The following IFT74 variants were observed in gnomAD, a reference collection of about 807,000 sequenced individuals.
The protein encoded by IFT74 is intraflagellar transport protein 74 homolog.
In IFT74, 92 loss-of-function variants were observed where a neutral mutation model predicts 96.7. The observed-to-expected ratio is 0.95, with a 90% CI of 0.80 to 1.13. The LOEUF (loss-of-function observed/expected upper bound fraction) is 1.13, where lower values mean the gene tolerates loss of function less well. IFT74 is among the 50% of genes most tolerant of loss of function. IFT74 has a pLI of 0.00. For synonymous variants in IFT74, 223 were observed against 213.2 expected (o/e 1.05, Z -0.40); for missense variants, 811 against 698.2 (o/e 1.16, Z -1.82).
chr9:26,997,580 T>G (rs1345048325), intron 8 of IFT74: 41 of 785,774 alleles, frequency 5.2e-5, no homozygotes, highest in Non-Finnish European at 7.7e-5. Flanking sequence ...GTGATCCCCC[T>G]GCCTTGGCCT....
At chr9:27,019,926 C>A (rs1829517328) in intron 12 of IFT74, among the ~76,000 whole-genome samples, 1 of 151,836 alleles carries the variant, frequency 6.6e-6, no homozygotes, top group Non-Finnish European at 1.5e-5. Flanking sequence ...ATTTGTAAAA[C>A]AATCATTTTA....
chr9:26,955,447 C>CTCA (rs1159848463), upstream of IFT74, among the ~76,000 whole-genome samples: 2 of 152,146 alleles, frequency 1.3e-5, no homozygotes, highest in Non-Finnish European at 2.9e-5. Flanking sequence ...AGCAATAATA[C>CTCA]TCATGTCCCA....
rs560847276 is a variant in IFT74 at position 26,987,471 on chromosome 9, A to G, written c.466-1198A>G. Among the ~76,000 whole-genome samples, 355 of 152,342 alleles carry G rather than the reference A, an allele frequency of 2.3e-3. 3 individuals are homozygous for G. Among genetic ancestry groups the G allele is most frequent in the African/African-American group, 8.2e-3 (343 of 41,582 alleles). On this transcript the variant is annotated intron_variant, in intron 6 of 19. Coordinates refer to ENST00000380062, the MANE Select transcript of IFT74 (RefSeq NM_025103.4). The stretch of plus-strand genomic sequence containing the variant: ...ATGCTGGAACAAATTAGGCATATTC[A>G]TATAAAAATACTACCATATAAAATA...
Position 27,057,585 on chromosome 9 carries a change from C to T in IFT74, c.1623+1126C>T, listed in dbSNP as rs185128648. On this transcript the variant is annotated intron_variant, in intron 18 of 19. Coordinates refer to ENST00000380062, the MANE Select transcript of IFT74 (RefSeq NM_025103.4). ...AAAAATTCCCTCTTTTGGCCAGGCA[C>T]GGTGGTTCACGCCTGTAATCCCAGC... 1.3e-3 allele frequency among the ~76,000 whole-genome samples: 200 copies of T among 152,200 alleles called. 2 individuals are homozygous for T. The highest frequency in any genetic ancestry group is 2.0e-3 in the Non-Finnish European group (135 of 68,002).
chr9:27,029,152 T>C, intron 13 of IFT74, 48 bp downstream of exon 13: 1 of 1,442,504 alleles, frequency 6.9e-7, no homozygotes, highest in Non-Finnish European at 9.6e-7. Context: ...TGTTTAGCAG[T>C]ATTAATATAG....
rs537178292 is a variant in IFT74 at position 27,022,855 on chromosome 9, A to G, written c.974+4168A>G. ...ACGGGGTTTCACTGTGTTAGCCAGG[A>G]TGGTCTTGACCTGACCTTGTGATCT... On this transcript the variant is annotated intron_variant, in intron 12 of 19. Coordinates refer to ENST00000380062, the MANE Select transcript of IFT74 (RefSeq NM_025103.4). 2.0e-5 allele frequency among the ~76,000 whole-genome samples: 3 copies of G among 152,054 alleles called. No individual in the cohort carries two copies. In the South Asian group the frequency reaches 6.2e-4, roughly 32 times the overall value.
chr9:26,976,088 C>T lies in IFT74; in HGVS notation c.121-2040C>T, dbSNP rs7865986. ...TGTGCACAGAGTTACTTGGTCGCCGCGGTGTTGTAAGCCTCTCCTTTCCCC... is the reference window on the plus strand; with the variant it reads ...TGTGCACAGAGTTACTTGGTCGCCGTGGTGTTGTAAGCCTCTCCTTTCCCC... On this transcript the variant is annotated intron_variant, in intron 2 of 19. Coordinates refer to ENST00000380062, the MANE Select transcript of IFT74 (RefSeq NM_025103.4). Among the ~76,000 whole-genome samples the T allele has an allele frequency of 9.5e-3, 1,443 of 152,258 alleles. 17 individuals are homozygous for T. The highest frequency in any genetic ancestry group is 0.032 in the African/African-American group (1,347 of 41,542).
Position 27,055,624 on chromosome 9 carries a change from A to G in IFT74, c.1349A>G (p.Gln450Arg), listed in dbSNP as rs1432043765. 2.5e-6 allele frequency: 4 copies of G among 1,578,330 alleles called. No individual in the cohort carries two copies. The Admixed American group carries it at 7.8e-5, about 31-fold the overall frequency. Residue 450 changes from glutamine (Q) to arginine (R), a missense_variant, in exon 17 of 20, where the codon CAG (glutamine) becomes CGG (arginine). Coordinates refer to ENST00000380062, the MANE Select transcript of IFT74 (RefSeq NM_025103.4). ...TATGTTTCAGACATTCAACGTCTGCAGTTGGATCTGCAGAAAATGGAGCTT... is the reference window on the plus strand; with the variant it reads ...TATGTTTCAGACATTCAACGTCTGCGGTTGGATCTGCAGAAAATGGAGCTT... ...QNLTSDIQRL[Q>R]LDLQKMELLE...
At chr9:26,976,687 G>C (rs1827141015) in intron 2 of IFT74, 2 of 449,104 alleles carry the variant, frequency 4.5e-6, no homozygotes, top group Non-Finnish European at 8.9e-6. Context: ...GGAGAAGAAA[G>C]GCAGGGGGTA....
intron 1 of IFT74, among the ~76,000 whole-genome samples, chr9:26,947,949 C>A (rs1452141103): frequency 6.6e-6 from 1 of 152,122 alleles, no homozygotes; most frequent in African/African-American, 2.4e-5. Flanking sequence ...CATTATCAGA[C>A]CTTATTGAGT....
intron 12 of IFT74, 29 bp from the exon 13 acceptor site, chr9:27,028,996 C>T: frequency 1.3e-6 from 2 of 1,542,082 alleles, no homozygotes; most frequent in Non-Finnish European, 1.8e-6. Flanking sequence ...ATATTTCCTT[C>T]ATAAATTCAT....
At chr9:26,950,412 T>C (rs1587214521) in intron 1 of IFT74, among the ~76,000 whole-genome samples, 1 of 152,170 alleles carries the variant, frequency 6.6e-6, no homozygotes, top group Admixed American at 6.5e-5. Flanking sequence ...TCTACCATAA[T>C]TCTAATCTTG....
At chr9:26,958,707 C>G (rs964496526) in intron 1 of IFT74, among the ~76,000 whole-genome samples, 3 of 152,050 alleles carry the variant, frequency 2.0e-5, no homozygotes, top group Non-Finnish European at 1.5e-5. Context: ...ATTTAGACAT[C>G]TAAGTGGAGA....
chr9:27,023,235 C>T (rs1258406413), intron 12 of IFT74, among the ~76,000 whole-genome samples: 5 of 152,020 alleles, frequency 3.3e-5, no homozygotes, highest in African/African-American at 1.2e-4. Context: ...TTGTCTTGTT[C>T]CAGTTCTTAG....
At chr9:26,948,733 G>C (rs761183262) in intron 1 of IFT74, among the ~76,000 whole-genome samples, 1 of 151,792 alleles carries the variant, frequency 6.6e-6, no homozygotes, top group African/African-American at 2.4e-5. Context: ...CAAAGTGCTG[G>C]ATTATAAGCG....
chr9:26,947,713 C>G (rs1825790427), intron 1 of IFT74, among the ~76,000 whole-genome samples: 1 of 152,198 alleles, frequency 6.6e-6, no homozygotes, highest in Non-Finnish European at 1.5e-5. Context: ...AAATTGGGAA[C>G]TATTAATCAT....
intron 8 of IFT74, chr9:26,998,172 T>C (rs1425095604): frequency 6.3e-7 from 1 of 1,578,464 alleles, no homozygotes; most frequent in African/African-American, 1.4e-5. Context: ...AGATCAAGTA[T>C]AGTAACATCT....
intron 12 of IFT74, among the ~76,000 whole-genome samples, chr9:27,021,668 C>G (rs548322723): frequency 2.1e-4 from 32 of 151,886 alleles, no homozygotes; most frequent in Non-Finnish European, 4.7e-4. Flanking sequence ...CCACTTTTCA[C>G]TTTTTTATGG....
chr9:27,010,074 G>T (rs573805185), intron 9 of IFT74, among the ~76,000 whole-genome samples: 1 of 151,214 alleles, frequency 6.6e-6, no homozygotes, highest in African/African-American at 2.4e-5. Flanking sequence ...TGCAAGCTAC[G>T]CCTCCCGGGT....
Sources: gnomAD v4.1 joint callset for allele counts (sites outside exome capture counted in the v4.1 genomes callset) on GRCh38, gnomAD v4.1.1 for gene constraint, MANE v1.5 for transcripts, NCBI Gene and HGNC (gene_info 2026-07-23, HGNC 2026-07-21) for gene names.